The following TRIP12 variants were observed in gnomAD, a reference collection of about 807,000 sequenced individuals.
TRIP12 encodes the protein thyroid hormone receptor interactor 12, also known as E3 ubiquitin-protein ligase TRIP12.
A neutral mutation model predicts 244.2 loss-of-function variants in TRIP12; 25 were observed. The observed-to-expected ratio is 0.10, with a 90% CI of 0.07 to 0.14. The LOEUF (loss-of-function observed/expected upper bound fraction) is 0.14, where lower values mean the gene tolerates loss of function less well. Ranked by LOEUF, TRIP12 falls within the 10% of genes least tolerant of loss-of-function variation. The pLI is 1.00. For missense variants in TRIP12, 1,677 were observed against 2,486.4 expected (o/e 0.67, Z 6.92); for synonymous variants, 905 against 873.1 (o/e 1.04, Z -0.64).
intron 2 of TRIP12, among the ~76,000 whole-genome samples, chr2:229,871,426 T>A (rs1309448610): frequency 6.6e-6 from 1 of 152,206 alleles, no homozygotes; most frequent in Admixed American, 6.5e-5. Flanking sequence ...GGATCCCTCA[T>A]GAATGGCTTA....
intron 2 of TRIP12, among the ~76,000 whole-genome samples, chr2:229,869,884 T>C (rs986277461): frequency 6.6e-6 from 1 of 152,222 alleles, no homozygotes; most frequent in African/African-American, 2.4e-5. Flanking sequence ...TTTGCTCTTC[T>C]CTGCCTGTCC....
intron 4 of TRIP12, among the ~76,000 whole-genome samples, chr2:229,856,111 A>G (rs1378963311): frequency 6.6e-6 from 1 of 152,100 alleles, no homozygotes; most frequent in Non-Finnish European, 1.5e-5. Context: ...CATATGTAAA[A>G]TACCTGGTAC....
intron 14 of TRIP12, 28 bp from the exon 15 acceptor site, chr2:229,811,073 A>G: frequency 6.2e-7 from 1 of 1,613,744 alleles, no homozygotes; most frequent in South Asian, 1.1e-5. Flanking sequence ...TAAAGGAATT[A>G]TTACATCAAG....
intron 4 of TRIP12, among the ~76,000 whole-genome samples, chr2:229,849,601 G>A (rs1318824520): frequency 6.6e-6 from 1 of 152,162 alleles, no homozygotes; most frequent in African/African-American, 2.4e-5. Flanking sequence ...AGTGGCTCAT[G>A]CCTATAATCC....
In TRIP12 at chr2:229,879,999, G is replaced by C. The variant is rs1238833588; in HGVS notation, c.81C>G (p.Asp27Glu). 1 of 1,613,904 alleles carries C rather than the reference G, an allele frequency of 6.2e-7. No homozygotes were observed. ...ATACATACCTTCCTCCTATTGAGTC[G>C]TCTTGTGGTTGGGCCCCGGCAGTGT... is the stretch of plus-strand genomic sequence containing the variant. ...QRNTAGAQPQ[D>E]DSIGGRSHLG... Residue 27 changes from aspartate (D) to glutamate (E), a missense_variant, in exon 2 of 42, where the codon GAC (aspartate) becomes GAG (glutamate). Around this residue, in one of 11 missense-constraint regions of TRIP12, gnomAD observed 387 missense variants for 392.6 expected, o/e 0.99. Coordinates refer to ENST00000675903, the MANE Select transcript of TRIP12 (RefSeq NM_001348323.3).
chr2:229,833,272 G>A (rs1228042249), intron 6 of TRIP12, among the ~76,000 whole-genome samples: 3 of 151,980 alleles, frequency 2.0e-5, no homozygotes, highest in African/African-American at 7.2e-5. Flanking sequence ...AACCTTTGGG[G>A]AGCCACAGAA....
Position 229,769,283 on chromosome 2 carries a change from C to T in TRIP12, c.5851G>A (p.Ala1951Thr). 6.2e-7 allele frequency: 1 copy of T among 1,614,048 alleles called. No individual in the cohort carries two copies. The highest frequency in any genetic ancestry group is 1.3e-5 in the African/African-American group (1 of 75,016). The change falls in exon 40 of 42, where the codon GCA (alanine) becomes ACA (threonine). Residue 1951 changes from alanine to threonine, a missense_variant. Ala to Thr is a moderately conservative substitution (Grantham distance 58). Coordinates refer to ENST00000675903, the MANE Select transcript of TRIP12 (RefSeq NM_001348323.3). ...CTACAGCATTCCATCAGTGTCTTTG[C>T]ATCCCAAGTGTCTGCTTTACTGCCA... ...LCGSKADTWD[A>T]KTLMECCRPD... is the part of the protein sequence containing the mutation.
intron 4 of TRIP12, among the ~76,000 whole-genome samples, chr2:229,847,608 A>C (rs1427216784): frequency 1.3e-5 from 2 of 152,222 alleles, no homozygotes; most frequent in East Asian, 3.9e-4. Context: ...ATGCACTGGG[A>C]AGTCCAGAAA....
chr2:229,798,195 C>T (rs1239052262), intron 23 of TRIP12, among the ~76,000 whole-genome samples: 1 of 152,136 alleles, frequency 6.6e-6, no homozygotes, highest in African/African-American at 2.4e-5. Flanking sequence ...TAAAGATTTA[C>T]AGACCAGAAA....
chr2:229,838,387 G>A (rs1050830561), intron 5 of TRIP12, among the ~76,000 whole-genome samples: 1 of 152,198 alleles, frequency 6.6e-6, no homozygotes, highest in African/African-American at 2.4e-5. Context: ...GACACCCTTA[G>A]TAGGTGACCA....
chr2:229,916,097 G>A (rs944366501), intron 1 of TRIP12, among the ~76,000 whole-genome samples: 1 of 152,102 alleles, frequency 6.6e-6, no homozygotes, highest in African/African-American at 2.4e-5. Context: ...GTGGAGAAAG[G>A]GCCTTGTGTT....
chr2:229,832,057 T>C (rs1301740070), intron 6 of TRIP12, among the ~76,000 whole-genome samples: 1 of 152,154 alleles, frequency 6.6e-6, no homozygotes. Context: ...AGAGCTTGTC[T>C]GAAGAAAAAG....
Position 229,885,673 on chromosome 2 carries a change from C to G in TRIP12, c.-49-5545G>C, listed in dbSNP as rs373512674. Reference sequence around the variant, plus strand: ...CTTGCCTACCTAAAAACAGCAAGGACTTCAAATAAGCCTATCTTTAAAGTG... The same window carrying G: ...CTTGCCTACCTAAAAACAGCAAGGAGTTCAAATAAGCCTATCTTTAAAGTG... On this transcript the variant is annotated intron_variant, in intron 1 of 41. Coordinates refer to ENST00000675903, the MANE Select transcript of TRIP12 (RefSeq NM_001348323.3). 5.3e-5 allele frequency among the ~76,000 whole-genome samples: 8 copies of G among 152,330 alleles called. No homozygotes were observed. The East Asian group carries it at 1.5e-3, about 29-fold the overall frequency.
At chr2:229,865,382 A>G (rs557237542) in intron 2 of TRIP12, among the ~76,000 whole-genome samples, 1 of 151,136 alleles carries the variant, frequency 6.6e-6, no homozygotes, top group East Asian at 1.9e-4. Context: ...ATGTTAGGAA[A>G]AATGAGGAAA....
At chr2:229,881,486 C>T (rs1021879393) in intron 1 of TRIP12, among the ~76,000 whole-genome samples, 1 of 152,114 alleles carries the variant, frequency 6.6e-6, no homozygotes, top group African/African-American at 2.4e-5. Context: ...TATTACTGTA[C>T]TGGATTTTGT....
intron 1 of TRIP12, among the ~76,000 whole-genome samples, chr2:229,905,950 G>A (rs1453138857): frequency 6.6e-6 from 1 of 152,186 alleles, no homozygotes. Flanking sequence ...ACATTACAGT[G>A]CATTCAGAAC....
Position 229,811,032 on chromosome 2 carries a change from T to C in TRIP12, c.2069A>G (p.Gln690Arg). 1 of 1,614,014 alleles carries C rather than the reference T, an allele frequency of 6.2e-7. No homozygotes were observed. The highest frequency in any genetic ancestry group is 1.3e-5 in the African/African-American group (1 of 75,052). ...TGTAAGCAGATCTTTGGAAGCAACCTGCTGGAGTAAATTCTTCACAAACAC... is the reference window on the plus strand; with the variant it reads ...TGTAAGCAGATCTTTGGAAGCAACCCGCTGGAGTAAATTCTTCACAAACAC... ...NFQHEENLLQ[Q>R]VASKDLLTNV... is the part of the protein sequence containing the mutation. Residue 690 changes from glutamine to arginine, a missense_variant, in exon 15 of 42, where the codon CAG becomes CGG. Gln to Arg is a conservative substitution (Grantham distance 43). Coordinates refer to ENST00000675903, the MANE Select transcript of TRIP12 (RefSeq NM_001348323.3).
chr2:229,880,617 ATTG>A (rs1384037253), intron 1 of TRIP12, among the ~76,000 whole-genome samples: 3 of 152,188 alleles, frequency 2.0e-5, no homozygotes, highest in African/African-American at 7.2e-5. Flanking sequence ...TCTTCACAGT[ATTG>A]TTGTGAATAA....
At chr2:229,881,075 C>A (rs2064768539) in intron 1 of TRIP12, among the ~76,000 whole-genome samples, 1 of 152,272 alleles carries the variant, frequency 6.6e-6, no homozygotes, top group African/African-American at 2.4e-5. Flanking sequence ...GCTCTGCTGG[C>A]CGTGACCTTG....
Sources: allele counts gnomAD v4.1 joint callset (sites outside exome capture counted in the v4.1 genomes callset), GRCh38; gene constraint gnomAD v4.1.1; regional missense constraint gnomAD v4.1.1; transcripts MANE v1.5; gene names NCBI Gene and HGNC (gene_info 2026-07-23, HGNC 2026-07-21).